Variants in PAPPA2 observed in about 807,000 individuals in gnomAD.
PAPPA2 encodes pappalysin-2.
Under a neutral mutation model 176.4 loss-of-function variants are expected in PAPPA2, and 86 were observed. The ratio of observed to expected loss-of-function variants is 0.49; its 90% CI spans 0.41 to 0.58. The LOEUF is 0.58. PAPPA2 is among the 20% of genes least tolerant of loss of function. The pLI, the probability that PAPPA2 is intolerant of heterozygous loss-of-function variation, is 0.00. For missense variants in PAPPA2, 2,073 were observed against 2,256.9 expected (o/e 0.92, Z 1.65); for synonymous variants, 809 against 852.2 (o/e 0.95, Z 0.88).
chr1:176,833,704 T>C (rs1392485910), intron 21 of PAPPA2, among the ~76,000 whole-genome samples: 1 of 152,212 alleles, frequency 6.6e-6, no homozygotes, highest in Non-Finnish European at 1.5e-5. Flanking sequence ...TTGTCCTACT[T>C]TCTGGCTGAA....
chr1:176,764,744 C>T (rs2102904606), intron 14 of PAPPA2, among the ~76,000 whole-genome samples: 1 of 152,248 alleles, frequency 6.6e-6, no homozygotes, highest in African/African-American at 2.4e-5. Flanking sequence ...CTACAGGTGC[C>T]TGCAACCACA....
chr1:176,780,402 C>T (rs1664659428), intron 17 of PAPPA2, among the ~76,000 whole-genome samples: 1 of 152,158 alleles, frequency 6.6e-6, no homozygotes, highest in Non-Finnish European at 1.5e-5. Context: ...TTCCCTCAGG[C>T]TCTTCCCCTG....
intron 1 of PAPPA2, among the ~76,000 whole-genome samples, chr1:176,552,242 C>A (rs1348857418): frequency 2.0e-5 from 3 of 151,912 alleles, no homozygotes; most frequent in African/African-American, 7.3e-5. Flanking sequence ...CTTCTCTTTT[C>A]CAGTTCTTTC....
chr1:176,845,194 T>C lies in PAPPA2; in HGVS notation c.*2740T>C, dbSNP rs1411219200. 1 of 152,138 alleles carries C rather than the reference T, an allele frequency of 6.6e-6. No individual in the cohort carries two copies. Among genetic ancestry groups the C allele is most frequent in the East Asian group, 1.9e-4 (1 of 5,184 alleles). The allele number at this position is 152,138 out of a possible 1,614,324, so 9.4% of individuals were successfully genotyped here. A position where few individuals can be genotyped will look rare whatever the true frequency, so the allele number is the denominator to read the frequency against. On this transcript the variant is annotated 3_prime_UTR_variant, in exon 23 of 23. Transcript: ENST00000367662. ...CTGCTACTCTTATCCACCCATGTGG[T>C]CATTGAGAGCCTTTCTCAGAGACTC... is the stretch of plus-strand genomic sequence containing the variant.
At chr1:176,493,021 A>G (rs544192733) in intron 1 of PAPPA2, among the ~76,000 whole-genome samples, 3 of 152,330 alleles carry the variant, frequency 2.0e-5, no homozygotes, top group East Asian at 3.9e-4. Flanking sequence ...TCAGTAAAGA[A>G]TGTTGGTCAC....
chr1:176,785,034 G>C (rs945537880), intron 17 of PAPPA2, among the ~76,000 whole-genome samples: 2 of 152,132 alleles, frequency 1.3e-5, no homozygotes, highest in Admixed American at 1.3e-4. Context: ...CCATCACATT[G>C]GGAGTTAGGA....
At chr1:176,613,647 G>A (rs1306088098) in intron 3 of PAPPA2, among the ~76,000 whole-genome samples, 1 of 152,058 alleles carries the variant, frequency 6.6e-6, no homozygotes, top group Non-Finnish European at 1.5e-5. Context: ...TTTCCTAGTA[G>A]ACTCCCTTAC....
chr1:176,750,733 T>G (rs1456571217), intron 14 of PAPPA2, among the ~76,000 whole-genome samples: 1 of 152,208 alleles, frequency 6.6e-6, no homozygotes, highest in African/African-American at 2.4e-5. Flanking sequence ...AAGGAAAATC[T>G]TATTGAGAAA....
intron 12 of PAPPA2, among the ~76,000 whole-genome samples, chr1:176,722,101 T>C (rs922325738): frequency 2.0e-5 from 3 of 152,176 alleles, no homozygotes; most frequent in African/African-American, 7.2e-5. Context: ...ATATATTCTT[T>C]GTGAAATTCT....
chr1:176,649,678 T>C (rs1657602955), intron 3 of PAPPA2, among the ~76,000 whole-genome samples: 1 of 151,584 alleles, frequency 6.6e-6, no homozygotes, highest in South Asian at 2.1e-4. Flanking sequence ...CTCAGAAACA[T>C]GTTGTTTAAT....
At chr1:176,608,203 T>G (rs946021780) in intron 3 of PAPPA2, among the ~76,000 whole-genome samples, 9 of 152,204 alleles carry the variant, frequency 5.9e-5, no homozygotes, top group African/African-American at 2.2e-4. Flanking sequence ...ATTAGGCATT[T>G]AAAAATATTT....
intron 3 of PAPPA2, among the ~76,000 whole-genome samples, chr1:176,597,759 C>A (rs1654063868): frequency 6.6e-6 from 1 of 152,132 alleles, no homozygotes; most frequent in African/African-American, 2.4e-5. Flanking sequence ...AGAAGCTAAA[C>A]CTCACTAACA....
chr1:176,698,957 A>G (rs1468013995), intron 7 of PAPPA2, 143 bp from the exon 8 acceptor site: 1 of 1,036,640 alleles, frequency 9.6e-7, no homozygotes, highest in Non-Finnish European at 1.4e-6. Context: ...CTAGTACTTA[A>G]GATCTAACCT....
intron 1 of PAPPA2, among the ~76,000 whole-genome samples, chr1:176,478,639 A>T (rs1441364971): frequency 6.6e-6 from 1 of 152,252 alleles, no homozygotes; most frequent in African/African-American, 2.4e-5. Context: ...AATGTGTCTT[A>T]ACCATGAGTA....
At chr1:176,579,379 A>G (rs1443276303) in intron 2 of PAPPA2, among the ~76,000 whole-genome samples, 1 of 152,142 alleles carries the variant, frequency 6.6e-6, no homozygotes, top group Non-Finnish European at 1.5e-5. Context: ...TCTAGAAGTG[A>G]TTACTAAATG....
chr1:176,708,399 A>C (rs1036373513), intron 10 of PAPPA2, among the ~76,000 whole-genome samples: 3 of 152,190 alleles, frequency 2.0e-5, no homozygotes, highest in Admixed American at 2.0e-4. Flanking sequence ...ATATTTTTAA[A>C]GTATTCCGAT....
intron 1 of PAPPA2, among the ~76,000 whole-genome samples, chr1:176,475,302 G>A (rs1397588641): frequency 1.3e-5 from 2 of 152,216 alleles, no homozygotes; most frequent in African/African-American, 2.4e-5. Context: ...ATATGTGTGT[G>A]TATGAGTATG....
Position 176,800,852 on chromosome 1 carries a change from G to A in PAPPA2, c.5202+720G>A, listed in dbSNP as rs571801193. The stretch of plus-strand genomic sequence containing the variant: ...TTAGGTAGACCTGTTGTCCACTGTT[G>A]ATTAACCAAACTAGACCTTTACCAC... On this transcript the variant is annotated intron_variant, in intron 21 of 22. Transcript: ENST00000367662. 2.0e-5 allele frequency among the ~76,000 whole-genome samples: 3 copies of A among 152,246 alleles called. No individual in the cohort carries two copies. The South Asian group carries it at 6.2e-4, about 32-fold the overall frequency.
chr1:176,667,273 A>G (rs1658717569), intron 3 of PAPPA2, among the ~76,000 whole-genome samples: 1 of 152,078 alleles, frequency 6.6e-6, no homozygotes, highest in Admixed American at 6.6e-5. Context: ...AAAAAGAATA[A>G]GACTGTGTTT....
Sources: gnomAD v4.1 joint callset for allele counts (sites outside exome capture counted in the v4.1 genomes callset) on GRCh38, gnomAD v4.1.1 for gene constraint, MANE v1.5 for transcripts, NCBI Gene and HGNC (gene_info 2026-07-23, HGNC 2026-07-21) for gene names.